AUTS2: variants seen among roughly 807,000 people sequenced by gnomAD.
AUTS2 encodes autism susceptibility gene 2 protein.
Under a neutral mutation model 112.4 loss-of-function variants are expected in AUTS2, and 17 were observed. That is an observed-to-expected ratio of 0.15 (90% CI 0.10 to 0.23). The LOEUF is 0.23. Ranked by LOEUF, AUTS2 falls within the 10% of genes least tolerant of loss-of-function variation. The pLI is 1.00. For missense variants in AUTS2, 1,510 were observed against 1,701.6 expected (o/e 0.89, Z 1.98); for synonymous variants, 751 against 702.7 (o/e 1.07, Z -1.09).
At chr7:70,655,050 G>A (rs780211809) in intron 5 of AUTS2, among the ~76,000 whole-genome samples, 80 of 152,318 alleles carry the variant, frequency 5.3e-4, no homozygotes, top group African/African-American at 1.9e-3. Flanking sequence ...AGTATCTTTC[G>A]GAACTCGGAT....
intron 5 of AUTS2, among the ~76,000 whole-genome samples, chr7:70,675,622 A>C (rs570005964): frequency 6.6e-6 from 1 of 152,326 alleles, no homozygotes; most frequent in African/African-American, 2.4e-5. Context: ...GCAGAGAAGC[A>C]GTTTGTCTCT....
At chr7:70,764,716 T>A (rs556918487) in intron 7 of AUTS2, 36 bp from the exon 8 acceptor site, 8 of 718,758 alleles carry the variant, frequency 1.1e-5, no homozygotes, top group South Asian at 1.0e-4. Flanking sequence ...TACCTTTTTT[T>A]ATTTTTTTCT....
intron 4 of AUTS2, among the ~76,000 whole-genome samples, chr7:70,321,528 GTTACAAC>G (rs1790253261): frequency 6.6e-6 from 1 of 152,020 alleles, no homozygotes; most frequent in South Asian, 2.1e-4. Context: ...AAAAATTCTG[GTTACAAC>G]TCACTAAATT....
At chr7:70,503,452 G>T (rs1457657831) in intron 5 of AUTS2, among the ~76,000 whole-genome samples, 1 of 151,406 alleles carries the variant, frequency 6.6e-6, no homozygotes. Context: ...TGTAATCCCA[G>T]CTACTTGAGA....
intron 5 of AUTS2, among the ~76,000 whole-genome samples, chr7:70,558,747 AG>A (rs1272111574): frequency 1.3e-5 from 2 of 152,240 alleles, no homozygotes; most frequent in African/African-American, 4.8e-5. Context: ...TTTCCTTTCT[AG>A]GTTGTCAGAC....
At chr7:70,176,477 T>TCTGC (rs1808993407) in intron 4 of AUTS2, among the ~76,000 whole-genome samples, 1 of 152,218 alleles carries the variant, frequency 6.6e-6, no homozygotes, top group East Asian at 1.9e-4. Context: ...TGGCAATGAT[T>TCTGC]CTGCCTGTGC....
At position 70,415,900 on chromosome 7, in the gene AUTS2, G is replaced by A. The variant is rs962238888; in HGVS notation, c.661-19852G>A. 5.9e-5 allele frequency among the ~76,000 whole-genome samples: 9 copies of A among 152,226 alleles called. No individual in the cohort carries two copies. The East Asian group carries it at 1.2e-3, about 20-fold the overall frequency. ...TCATTCTCCTCACACAGCGCCGACA[G>A]CTGAGTTCTTCCCTGATATTTGCAG... On this transcript the variant is annotated intron_variant, in intron 4 of 18. Coordinates refer to ENST00000342771, the MANE Select transcript of AUTS2 (RefSeq NM_015570.4).
At chr7:70,387,453 G>A (rs1442132618) in intron 4 of AUTS2, among the ~76,000 whole-genome samples, 1 of 152,134 alleles carries the variant, frequency 6.6e-6, no homozygotes. Context: ...AAATATGGGT[G>A]CCCACTCTTT....
intron 1 of AUTS2, among the ~76,000 whole-genome samples, chr7:69,878,078 A>C (rs1266899308): frequency 6.6e-6 from 1 of 152,170 alleles, no homozygotes; most frequent in Non-Finnish European, 1.5e-5. Flanking sequence ...TAAAGAGAGA[A>C]TGTGAGGGAG....
intron 17 of AUTS2, chr7:70,786,918 G>A (rs1338412187): frequency 1.1e-5 from 5 of 471,762 alleles, no homozygotes; most frequent in East Asian, 8.5e-5. Context: ...CACCAGATAC[G>A]TTGAATTAGG....
At chr7:69,759,177 A>G (rs1016357274) in intron 1 of AUTS2, among the ~76,000 whole-genome samples, 3 of 151,960 alleles carry the variant, frequency 2.0e-5, no homozygotes, top group Admixed American at 6.6e-5. Flanking sequence ...GAACCTATAC[A>G]CTTAATTGCT....
At chr7:69,656,300 C>T (rs1384943117) in intron 1 of AUTS2, among the ~76,000 whole-genome samples, 9 of 152,148 alleles carry the variant, frequency 5.9e-5, no homozygotes, top group Admixed American at 2.0e-4. Context: ...AAGCTTGCCA[C>T]CAGAGTGAAG....
At chr7:69,731,206 C>T (rs758673435) in intron 1 of AUTS2, among the ~76,000 whole-genome samples, 6 of 152,114 alleles carry the variant, frequency 3.9e-5, no homozygotes, top group Non-Finnish European at 8.8e-5. Flanking sequence ...GTAGAAGGAT[C>T]GCTTGAGCCT....
At chr7:70,266,393 A>G (rs998671094) in intron 4 of AUTS2, among the ~76,000 whole-genome samples, 3 of 152,176 alleles carry the variant, frequency 2.0e-5, no homozygotes, top group African/African-American at 7.2e-5. Context: ...CTTAATGGGT[A>G]TAGGGTTTTC....
Position 70,790,985 on chromosome 7 carries a change from G to A in AUTS2, c.3769G>A (p.Glu1257Lys). The change falls in exon 19 of 19, where the codon GAG (glutamate) becomes AAG (lysine). Residue 1257 changes from glutamate to lysine, a missense_variant. By Grantham distance (56) the Glu-to-Lys change is moderately conservative. Coordinates refer to ENST00000342771, the MANE Select transcript of AUTS2 (RefSeq NM_015570.4). The surrounding 1 kb of genome is among the most constrained non-coding windows in gnomAD (Gnocchi z 7.6). ...RPPSHTLKDI[E>K]AR is the part of the protein sequence containing the mutation. ...CCCTTCCCACACGCTGAAGGATATC[G>A]AGGCCCGATAAGCCGAGAACAGGAG... 2 of 1,498,866 alleles carry A rather than the reference G, an allele frequency of 1.3e-6. No homozygotes were observed. Among genetic ancestry groups the A allele is most frequent in the Non-Finnish European group, 1.8e-6 (2 of 1,124,154 alleles). 92.8% of individuals were successfully genotyped at this position (1,498,866 alleles called of 1,614,324 possible).
chr7:69,749,691 CTTAAG>C (rs1475113283), intron 1 of AUTS2, among the ~76,000 whole-genome samples: 4 of 152,164 alleles, frequency 2.6e-5, no homozygotes, highest in African/African-American at 7.2e-5. Context: ...TCCTGCACTG[CTTAAG>C]TTATTTGTTT....
At position 70,790,399 on chromosome 7, in the gene AUTS2, C is replaced by T. The variant is rs1416571354; in HGVS notation, c.3183C>T (p.Phe1061=). The T allele has an allele frequency of 6.2e-7, 1 of 1,613,662 alleles. No individual in the cohort carries two copies. The highest frequency in any genetic ancestry group is 1.3e-5 in the African/African-American group (1 of 75,048). ...GISPLPGGER[F]PYPSFHWDPI... ...GCCCCCTCCCGGGCGGAGAGCGCTT[C>T]CCGTACCCTTCTTTCCACTGGGACC... is the stretch of plus-strand genomic sequence containing the variant. Residue 1061 remains phenylalanine (F), a synonymous_variant, in exon 19 of 19, where the codon TTC becomes TTT. Coordinates refer to ENST00000342771, the MANE Select transcript of AUTS2 (RefSeq NM_015570.4). This position sits in a 1 kb window ranked among gnomAD's most constrained non-coding sequence, Gnocchi z 7.6.
intron 1 of AUTS2, among the ~76,000 whole-genome samples, chr7:69,674,421 C>G (rs1004119251): frequency 1.5e-4 from 23 of 152,142 alleles, no homozygotes; most frequent in African/African-American, 5.6e-4. Flanking sequence ...CTTAACTTCT[C>G]TGTGCTTACT....
At chr7:69,659,953 T>G (rs935978178) in intron 1 of AUTS2, among the ~76,000 whole-genome samples, 2 of 152,208 alleles carry the variant, frequency 1.3e-5, no homozygotes, top group African/African-American at 4.8e-5. Flanking sequence ...TTGATCAATA[T>G]CTAGTTGATT....
Sources: gnomAD v4.1 joint callset for allele counts (sites outside exome capture counted in the v4.1 genomes callset) on GRCh38, gnomAD v4.1.1 for gene constraint, Gnocchi (gnomAD v3.1) non-coding constraint, MANE v1.5 for transcripts, NCBI Gene and HGNC (gene_info 2026-07-23, HGNC 2026-07-21) for gene names.